The following SF3B1 variants were observed in gnomAD, a reference collection of about 807,000 sequenced individuals.
The protein encoded by SF3B1 is splicing factor 3b subunit 1.
A neutral mutation model predicts 153.8 loss-of-function variants in SF3B1; 12 were observed. The ratio of observed to expected loss-of-function variants is 0.08; its 90% CI spans 0.05 to 0.13. SF3B1 has a LOEUF of 0.13. SF3B1 is among the 10% of genes least tolerant of loss of function. The probability of loss-of-function intolerance (pLI) is 1.00; values close to 1 mark genes in which losing one functional copy is unlikely to be tolerated. For synonymous variants in SF3B1, 498 were observed against 525.2 expected (o/e 0.95, Z 0.71); for missense variants, 513 against 1,606.1 (o/e 0.32, Z 11.63).
At chr2:197,399,108 C>G (rs2084909358) in intron 20 of SF3B1, 1 of 1,281,498 alleles carries the variant, frequency 7.8e-7, no homozygotes, top group Non-Finnish European at 1.0e-6. Flanking sequence ...TGCTCTGATT[C>G]TCTCTCCATT....
At chr2:197,410,666 G>A (rs576274513) in intron 6 of SF3B1, among the ~76,000 whole-genome samples, 11 of 151,424 alleles carry the variant, frequency 7.3e-5, no homozygotes, top group East Asian at 2.0e-4. Flanking sequence ...CCACCACGCC[G>A]GGCTAATTTT....
intron 6 of SF3B1, 123 bp downstream of exon 6, chr2:197,416,618 C>A: frequency 1.2e-6 from 1 of 802,672 alleles, no homozygotes; most frequent in South Asian, 2.1e-5. Flanking sequence ...CGAAAAAAAT[C>A]AATGTCTGTT....
intron 6 of SF3B1, among the ~76,000 whole-genome samples, chr2:197,414,902 G>A (rs923235265): frequency 1.3e-5 from 2 of 152,020 alleles, no homozygotes; most frequent in Admixed American, 6.6e-5. Context: ...TACTTGGGGG[G>A]TTGAGGTGGG....
intron 2 of SF3B1, among the ~76,000 whole-genome samples, chr2:197,421,994 A>C (rs766517631): frequency 2.0e-5 from 3 of 152,168 alleles, no homozygotes; most frequent in Non-Finnish European, 2.9e-5. Flanking sequence ...AAACAAAACC[A>C]CATACATAGT....
rs770725816 is a variant in SF3B1, at chr2:197,400,449, T to TA, written c.2719-16dup. ...ATTACTGAGTCCTAAAAAATAAATT[T>TA]AAAAAAAAGACATATTCATTTGGTT... On this transcript the variant is annotated splice_polypyrimidine_tract_variant and intron_variant, in intron 18 of 24. Transcript: ENST00000335508. The surrounding 1 kb of genome is among the most constrained non-coding windows in gnomAD (Gnocchi z 5.0). 3 of 1,546,510 alleles carry TA rather than the reference T, an allele frequency of 1.9e-6. No individual in the cohort carries two copies. Among genetic ancestry groups the TA allele is most frequent in the Non-Finnish European group, 2.6e-6 (3 of 1,140,594 alleles).
rs1410806653 is a variant in SF3B1 at position 197,401,188 on chromosome 2, C to A, written c.2496+212G>T. On this transcript the variant is annotated intron_variant, in intron 17 of 24. Coordinates refer to ENST00000335508, the MANE Select transcript of SF3B1 (RefSeq NM_012433.4). The surrounding 1 kb of genome is among the most constrained non-coding windows in gnomAD (Gnocchi z 4.2). Reference sequence around the variant, plus strand: ...CAGATAAAGCACTGAATGTACCAGACAAAAACATCAATTCACAGTTAAGTA... The same window carrying A: ...CAGATAAAGCACTGAATGTACCAGAAAAAAACATCAATTCACAGTTAAGTA... Among the ~76,000 whole-genome samples, 1 of 152,104 alleles carries A rather than the reference C, an allele frequency of 6.6e-6. No individual in the cohort carries two copies. The highest frequency in any genetic ancestry group is 1.9e-4 in the East Asian group (1 of 5,196).
chr2:197,394,233 T>C (rs750982525), intron 23 of SF3B1, among the ~76,000 whole-genome samples: 1 of 152,074 alleles, frequency 6.6e-6, no homozygotes, highest in African/African-American at 2.4e-5. Flanking sequence ...TTGTTAGAGA[T>C]AGGGAAGGCC....
chr2:197,415,448 G>A (rs972130846), intron 6 of SF3B1, among the ~76,000 whole-genome samples: 3 of 151,874 alleles, frequency 2.0e-5, no homozygotes, highest in African/African-American at 7.3e-5. Context: ...TAGAGACAGG[G>A]TTTCACTACG....
At chr2:197,425,268 C>A (rs903431277) in intron 1 of SF3B1, among the ~76,000 whole-genome samples, 2 of 152,188 alleles carry the variant, frequency 1.3e-5, no homozygotes, top group African/African-American at 4.8e-5. Flanking sequence ...GAGTTCAAGA[C>A]CAGCCTGGCC....
intron 6 of SF3B1, among the ~76,000 whole-genome samples, chr2:197,415,044 T>C (rs2085126957): frequency 6.6e-6 from 1 of 151,312 alleles, no homozygotes; most frequent in Non-Finnish European, 1.5e-5. Flanking sequence ...TCTAAAAAGA[T>C]ATAGAAACAG....
In SF3B1 at chr2:197,401,883, C is replaced by G; in HGVS notation, c.2229G>C (p.Leu743Phe). ...KGIRQHRGKGLAAFLKAIGYL... is the reference protein window; with the variant it reads ...KGIRQHRGKGFAAFLKAIGYL... ...ACCCAATAGCCTTCAAGAAAGCAGC[C>G]AAACCCTATTTTTAAATAAAAAATA... Residue 743 changes from leucine to phenylalanine, a missense_variant, in exon 16 of 25, where the codon TTG becomes TTC. By Grantham distance (22) the Leu-to-Phe change is conservative. Around this residue, in one of 21 missense-constraint regions of SF3B1, gnomAD observed 50 missense variants for 236.5 expected, o/e 0.21. Coordinates refer to ENST00000335508, the MANE Select transcript of SF3B1 (RefSeq NM_012433.4). The surrounding 1 kb of genome is among the most constrained non-coding windows in gnomAD (Gnocchi z 4.2). The G allele has an allele frequency of 6.3e-7, 1 of 1,590,050 alleles. No homozygotes were observed. The highest frequency in any genetic ancestry group is 8.5e-7 in the Non-Finnish European group (1 of 1,173,468).
chr2:197,418,234 C>CAAAGAAAAAAA (rs2085183243), intron 5 of SF3B1, among the ~76,000 whole-genome samples: 1 of 36,366 alleles, frequency 2.7e-5, no homozygotes, highest in Admixed American at 5.1e-4. Flanking sequence ...AGACTGTGTC[C>CAAAGAAAAAAA]AAAAAAAAAA....
At chr2:197,423,539 T>C (rs369007254) in intron 2 of SF3B1, among the ~76,000 whole-genome samples, 9 of 152,098 alleles carry the variant, frequency 5.9e-5, no homozygotes, top group Non-Finnish European at 1.2e-4. Flanking sequence ...TAAGTAATGG[T>C]AGGGATTTAC....
rs181087734 is a variant in SF3B1 at position 197,391,372 on chromosome 2, G to C, written c.*931C>G. 1.7e-4 allele frequency: 26 copies of C among 152,334 alleles called. No homozygotes were observed. The highest frequency in any genetic ancestry group is 1.3e-4 in the Non-Finnish European group (9 of 68,046). The allele number at this position is 152,334 out of a possible 1,614,324, so 9.4% of individuals were successfully genotyped here. ...CCATTATACTGTTCTTAAAGGTAGAGGGCAGGTCTCATGCACCTTTGCATC... is the reference window on the plus strand; with the variant it reads ...CCATTATACTGTTCTTAAAGGTAGACGGCAGGTCTCATGCACCTTTGCATC... On this transcript the variant is annotated 3_prime_UTR_variant, in exon 25 of 25. Coordinates refer to ENST00000335508, the MANE Select transcript of SF3B1 (RefSeq NM_012433.4).
Position 197,400,947 on chromosome 2 carries a change from C to T in SF3B1, c.2497-11G>A. 6.4e-7 allele frequency: 1 copy of T among 1,572,046 alleles called. No homozygotes were observed. ...AGTAGTATCAACTAACTAAAAAGAA[C>T]AGAAAAACAAAAAACCTTTTAGACT... On this transcript the variant is annotated splice_polypyrimidine_tract_variant and intron_variant, in intron 17 of 24. Transcript: ENST00000335508. The surrounding 1 kb of genome is among the most constrained non-coding windows in gnomAD (Gnocchi z 5.0).
At position 197,408,257 on chromosome 2, in the gene SF3B1, A is replaced by G; in HGVS notation, c.1117+112T>C. Reference sequence around the variant, plus strand: ...CGCAAACCAAGACTTAAATTTGTATATCTCCTTATTCTTACTAGAAGTTGA... The same window carrying G: ...CGCAAACCAAGACTTAAATTTGTATGTCTCCTTATTCTTACTAGAAGTTGA... On this transcript the variant is annotated intron_variant, in intron 8 of 24. Coordinates refer to ENST00000335508, the MANE Select transcript of SF3B1 (RefSeq NM_012433.4). 4 of 1,270,198 alleles carry G rather than the reference A, an allele frequency of 3.1e-6. No homozygotes were observed. The South Asian group carries it at 5.6e-5, about 18-fold the overall frequency. The allele number at this position is 1,270,198 out of a possible 1,614,324, so 78.7% of individuals were successfully genotyped here.
intron 6 of SF3B1, among the ~76,000 whole-genome samples, chr2:197,413,951 T>C (rs1485081845): frequency 6.6e-6 from 1 of 151,972 alleles, no homozygotes; most frequent in Admixed American, 6.6e-5. Flanking sequence ...GGATTACAGG[T>C]GCCCGCCAAC....
Position 197,416,854 on chromosome 2 carries a change from TGAC to T in SF3B1, c.550_552del (p.Val184del), listed in dbSNP as rs1435126735. 1 of 1,614,142 alleles carries T rather than the reference TGAC, an allele frequency of 6.2e-7. No individual in the cohort carries two copies. The highest frequency in any genetic ancestry group is 1.7e-5 in the Admixed American group (1 of 60,026). ...GGAGGCTGGGACGCTGCTGCTCCAT[TGAC>T]GACTTTTAGTTCTCCAGCTTTAGCT... On this transcript the variant is annotated inframe_deletion, in exon 6 of 25. Coordinates refer to ENST00000335508, the MANE Select transcript of SF3B1 (RefSeq NM_012433.4).
intron 6 of SF3B1, among the ~76,000 whole-genome samples, chr2:197,411,646 T>C (rs1292703309): frequency 1.3e-5 from 2 of 151,228 alleles, no homozygotes; most frequent in Non-Finnish European, 2.9e-5. Context: ...CACTCCAGGC[T>C]GAGCGACAGA....
Sources: allele counts gnomAD v4.1 joint callset (sites outside exome capture counted in the v4.1 genomes callset), GRCh38; gene constraint gnomAD v4.1.1; regional missense constraint gnomAD v4.1.1; non-coding constraint Gnocchi (gnomAD v3.1); transcripts MANE v1.5; gene names NCBI Gene and HGNC (gene_info 2026-07-23, HGNC 2026-07-21).